CNTN5: variants seen among roughly 807,000 people sequenced by gnomAD.
CNTN5 encodes contactin 5.
CNTN5 carries 77 observed loss-of-function variants against 129.1 expected under a neutral mutation model. That is an observed-to-expected ratio of 0.60 (90% CI 0.50 to 0.72). The LOEUF is 0.72. Ranked by LOEUF, CNTN5 falls within the 30% of genes least tolerant of loss-of-function variation. The probability of loss-of-function intolerance (pLI) is 0.00; values close to 1 mark genes in which losing one functional copy is unlikely to be tolerated. For missense variants in CNTN5, 1,478 were observed against 1,328.8 expected, an observed-to-expected ratio of 1.11 and a Z score of -1.75; for synonymous variants, 509 against 465.6, an observed-to-expected ratio of 1.09 and a Z score of -1.20.
At chr11:99,390,266 T>C (rs1243092583) in intron 2 of CNTN5, among the ~76,000 whole-genome samples, 3 of 152,116 alleles carry the variant, frequency 2.0e-5, no homozygotes, top group Admixed American at 6.6e-5. Flanking sequence ...TATGGGCATG[T>C]ACCACTAAGC....
chr11:99,055,453 A>T (rs1475929582), intron 1 of CNTN5, among the ~76,000 whole-genome samples: 2 of 151,886 alleles, frequency 1.3e-5, no homozygotes, highest in African/African-American at 4.8e-5. Flanking sequence ...ATTTCCTAGA[A>T]TTTTTTTACA....
intron 2 of CNTN5, among the ~76,000 whole-genome samples, chr11:99,374,489 C>G (rs1451097478): frequency 3.0e-4 from 46 of 152,030 alleles, no homozygotes; most frequent in Non-Finnish European, 5.9e-5. Context: ...CAAGACCATC[C>G]TGGCTAACAC....
chr11:99,369,435 C>A (rs1238759548), intron 2 of CNTN5, among the ~76,000 whole-genome samples: 4 of 151,104 alleles, frequency 2.6e-5, no homozygotes, highest in African/African-American at 9.7e-5. Context: ...CTAATTATAC[C>A]AGTTTTCCAA....
intron 3 of CNTN5, among the ~76,000 whole-genome samples, chr11:99,710,634 C>A (rs2134952166): frequency 6.7e-6 from 1 of 149,304 alleles, no homozygotes; most frequent in Admixed American, 6.7e-5. Flanking sequence ...TAATAAAGGT[C>A]CACATCCCAA....
chr11:99,955,800 A>G (rs531228342), intron 7 of CNTN5, among the ~76,000 whole-genome samples: 48 of 151,950 alleles, frequency 3.2e-4, no homozygotes, highest in African/African-American at 1.1e-3. Flanking sequence ...TCCTAACCTC[A>G]TGATCCGCCC....
At chr11:99,989,500 C>T (rs1938912746) in intron 8 of CNTN5, among the ~76,000 whole-genome samples, 1 of 144,312 alleles carries the variant, frequency 6.9e-6, no homozygotes, top group Admixed American at 6.9e-5. Flanking sequence ...CCAATTCTTA[C>T]ACAAATAGAT....
At chr11:99,901,081 A>G (rs1457319589) in intron 6 of CNTN5, among the ~76,000 whole-genome samples, 1 of 152,164 alleles carries the variant, frequency 6.6e-6, no homozygotes, top group Non-Finnish European at 1.5e-5. Context: ...GTGTCTAACT[A>G]AAAGGATATT....
intron 3 of CNTN5, among the ~76,000 whole-genome samples, chr11:99,659,361 G>A (rs1201126388): frequency 6.6e-6 from 1 of 152,144 alleles, no homozygotes; most frequent in Non-Finnish European, 1.5e-5. Context: ...GATACCATAA[G>A]ATATATAAGT....
At chr11:99,913,121 G>A (rs762683945) in intron 6 of CNTN5, among the ~76,000 whole-genome samples, 9 of 151,884 alleles carry the variant, frequency 5.9e-5, no homozygotes, top group Non-Finnish European at 1.3e-4. Context: ...CACTGAACCT[G>A]CACATACATC....
intron 13 of CNTN5, among the ~76,000 whole-genome samples, chr11:100,163,046 T>C (rs1386791100): frequency 6.6e-6 from 1 of 151,820 alleles, no homozygotes; most frequent in East Asian, 1.9e-4. Context: ...TGTTAGAGTA[T>C]ATTAAGTTTT....
chr11:99,108,160 C>T (rs1248289183), intron 1 of CNTN5, among the ~76,000 whole-genome samples: 1 of 152,068 alleles, frequency 6.6e-6, no homozygotes, highest in Admixed American at 6.6e-5. Context: ...AAGGAGATTA[C>T]AGTGGATTAG....
intron 1 of CNTN5, among the ~76,000 whole-genome samples, chr11:99,185,600 C>CT (rs1042272642): frequency 4.2e-4 from 64 of 151,456 alleles, no homozygotes; most frequent in Non-Finnish European, 7.7e-4. Flanking sequence ...CTGCATTGAA[C>CT]TTTTTTTTAC....
At chr11:99,721,762 A>T (rs902947502) in intron 3 of CNTN5, among the ~76,000 whole-genome samples, 2 of 152,178 alleles carry the variant, frequency 1.3e-5, no homozygotes, top group Non-Finnish European at 2.9e-5. Flanking sequence ...TCCAGCATTG[A>T]TAAGGAACTT....
chr11:99,297,661 T>C (rs1864449646), intron 1 of CNTN5, among the ~76,000 whole-genome samples: 2 of 152,170 alleles, frequency 1.3e-5, no homozygotes, highest in Non-Finnish European at 1.5e-5. Context: ...AGGAACTCAG[T>C]TTTCTAGAAA....
At chr11:99,484,116 A>G (rs1017708561) in intron 2 of CNTN5, among the ~76,000 whole-genome samples, 6 of 152,164 alleles carry the variant, frequency 3.9e-5, no homozygotes, top group Non-Finnish European at 8.8e-5. Flanking sequence ...GAATGAAATA[A>G]CAATGATCTG....
At chr11:99,329,950 C>T (rs1017363712) in intron 2 of CNTN5, among the ~76,000 whole-genome samples, 2 of 125,568 alleles carry the variant, frequency 1.6e-5, no homozygotes, top group South Asian at 5.1e-4. Flanking sequence ...CACACACACA[C>T]ACACACAATC....
intron 3 of CNTN5, among the ~76,000 whole-genome samples, chr11:99,718,555 T>C (rs1438616257): frequency 6.6e-6 from 1 of 152,196 alleles, no homozygotes; most frequent in South Asian, 2.1e-4. Context: ...CTTGTGGCTC[T>C]GTGAAAGGGA....
chr11:100,288,821 C>A (rs1436697225), intron 18 of CNTN5, among the ~76,000 whole-genome samples: 1 of 152,060 alleles, frequency 6.6e-6, no homozygotes, highest in Non-Finnish European at 1.5e-5. Context: ...AATCCAGGAG[C>A]TGGTTTTTTG....
In CNTN5 at chr11:99,892,127, T is replaced by C. The variant is rs549800727; in HGVS notation, c.578-23927T>C. ...TTGTTGGCCACATAAATATCTTCTC[T>C]TGACAAGTATCTGTTCATATCCTTC... On this transcript the variant is annotated intron_variant, in intron 6 of 24. Coordinates refer to ENST00000524871, the MANE Select transcript of CNTN5 (RefSeq NM_014361.4). 6.6e-5 allele frequency among the ~76,000 whole-genome samples: 10 copies of C among 152,350 alleles called. No homozygotes were observed. In the South Asian group the frequency reaches 1.2e-3, roughly 19 times the overall value.
Sources: gnomAD v4.1 joint callset for allele counts (sites outside exome capture counted in the v4.1 genomes callset) on GRCh38, gnomAD v4.1.1 for gene constraint, MANE v1.5 for transcripts, NCBI Gene and HGNC (gene_info 2026-07-23, HGNC 2026-07-21) for gene names.